Variants in GRM7 observed in about 807,000 individuals in gnomAD.
GRM7 encodes the protein glutamate metabotropic receptor 7.
GRM7 carries 35 observed loss-of-function variants against 84.5 expected under a neutral mutation model. That is an observed-to-expected ratio of 0.41 (90% CI 0.32 to 0.55). The LOEUF is 0.55. GRM7 is among the 20% of genes least tolerant of loss of function. GRM7 has a pLI of 0.19. For synonymous variants in GRM7, 487 were observed against 455.1 expected (o/e 1.07, Z -0.89); for missense variants, 1,003 against 1,194.6 (o/e 0.84, Z 2.36).
intron 2 of GRM7, among the ~76,000 whole-genome samples, chr3:7,183,729 T>C (rs1449059840): frequency 6.6e-6 from 1 of 152,198 alleles, no homozygotes; most frequent in Non-Finnish European, 1.5e-5. Context: ...AATATTCACT[T>C]ATATTTGTAC....
intron 1 of GRM7, among the ~76,000 whole-genome samples, chr3:7,140,059 G>A (rs983008855): frequency 6.6e-6 from 1 of 151,976 alleles, no homozygotes; most frequent in Admixed American, 6.6e-5. Flanking sequence ...TACATGGAAA[G>A]GTGCACAACA....
chr3:7,325,929 G>T (rs887975318), intron 4 of GRM7, among the ~76,000 whole-genome samples: 3 of 152,046 alleles, frequency 2.0e-5, no homozygotes, highest in Non-Finnish European at 4.4e-5. Flanking sequence ...GCGAGAAACA[G>T]CACCAAAGCC....
intron 1 of GRM7, among the ~76,000 whole-genome samples, chr3:7,055,129 G>A (rs1395016384): frequency 6.6e-6 from 1 of 151,854 alleles, no homozygotes; most frequent in Non-Finnish European, 1.5e-5. Flanking sequence ...GCCTTTGGAT[G>A]ATGTCTTAAT....
chr3:7,684,561 T>C (rs969137470), intron 9 of GRM7, among the ~76,000 whole-genome samples: 8 of 152,182 alleles, frequency 5.3e-5, no homozygotes, highest in African/African-American at 1.7e-4. Context: ...TGCAGCTACA[T>C]GTCTACATAA....
chr3:7,672,937 T>C (rs1433250217), intron 8 of GRM7, among the ~76,000 whole-genome samples: 1 of 152,182 alleles, frequency 6.6e-6, no homozygotes, highest in African/African-American at 2.4e-5. Flanking sequence ...CTAAACGAGA[T>C]GTTCCCCCTA....
At chr3:7,125,129 G>A (rs1442241897) in intron 1 of GRM7, among the ~76,000 whole-genome samples, 1 of 152,074 alleles carries the variant, frequency 6.6e-6, no homozygotes, top group Non-Finnish European at 1.5e-5. Context: ...TAGTAGATAT[G>A]GGGTTTCGCC....
chr3:7,639,199 C>A (rs1400740311), intron 8 of GRM7, among the ~76,000 whole-genome samples: 1 of 152,106 alleles, frequency 6.6e-6, no homozygotes, highest in East Asian at 1.9e-4. Context: ...ACCAATTTTG[C>A]TTCTTTAGAA....
intron 7 of GRM7, among the ~76,000 whole-genome samples, chr3:7,470,035 G>C (rs1698633718): frequency 6.6e-6 from 1 of 152,136 alleles, no homozygotes; most frequent in Non-Finnish European, 1.5e-5. Flanking sequence ...AGCAAAAGCT[G>C]GCTAAATCAA....
At chr3:7,549,462 T>G (rs1693334051) in intron 7 of GRM7, among the ~76,000 whole-genome samples, 1 of 152,214 alleles carries the variant, frequency 6.6e-6, no homozygotes, top group African/African-American at 2.4e-5. Context: ...GATAACTGGT[T>G]GTAAACATTT....
intron 7 of GRM7, among the ~76,000 whole-genome samples, chr3:7,528,704 G>A (rs1601373): frequency 0.38 from 57,768 of 151,710 alleles, 11,995 homozygotes; most frequent in East Asian, 0.46. Flanking sequence ...AGACATTTTG[G>A]TATGTTGTGT....
chr3:7,293,411 A>G (rs1203741078), intron 2 of GRM7, among the ~76,000 whole-genome samples: 1 of 152,076 alleles, frequency 6.6e-6, no homozygotes, highest in Non-Finnish European at 1.5e-5. Flanking sequence ...GCTTGTATGT[A>G]TCTCTCTTGT....
intron 1 of GRM7, among the ~76,000 whole-genome samples, chr3:7,122,435 G>C (rs1353147262): frequency 2.6e-5 from 4 of 152,040 alleles, no homozygotes; most frequent in Non-Finnish European, 5.9e-5. Flanking sequence ...ATTTTTTTAA[G>C]AAACCCTAAT....
chr3:7,652,488 G>T (rs995677442), intron 8 of GRM7, among the ~76,000 whole-genome samples: 7 of 152,126 alleles, frequency 4.6e-5, no homozygotes, highest in African/African-American at 9.7e-5. Context: ...CTTTCTAGTG[G>T]GGCAAGTCAA....
At chr3:6,879,388 C>T (rs1394781975) in intron 1 of GRM7, among the ~76,000 whole-genome samples, 2 of 152,112 alleles carry the variant, frequency 1.3e-5, no homozygotes, top group Non-Finnish European at 2.9e-5. Flanking sequence ...ACTTACTTGA[C>T]GTTGTTTTGT....
intron 1 of GRM7, among the ~76,000 whole-genome samples, chr3:6,884,887 C>T (rs996340041): frequency 2.0e-5 from 3 of 152,074 alleles, no homozygotes; most frequent in Non-Finnish European, 2.9e-5. Flanking sequence ...CGTGAGCCAC[C>T]GCGCCCGGCC....
intron 1 of GRM7, among the ~76,000 whole-genome samples, chr3:6,913,924 T>C (rs1382935506): frequency 6.6e-6 from 1 of 152,182 alleles, no homozygotes; most frequent in Non-Finnish European, 1.5e-5. Context: ...AAATATCATT[T>C]TTTCTCTTGG....
At chr3:7,254,920 A>C (rs1050879032) in intron 2 of GRM7, among the ~76,000 whole-genome samples, 2 of 152,228 alleles carry the variant, frequency 1.3e-5, no homozygotes, top group African/African-American at 4.8e-5. Context: ...TTCTATAATC[A>C]CTAAGAACGG....
At chr3:7,090,283 C>T (rs886755701) in intron 1 of GRM7, among the ~76,000 whole-genome samples, 5 of 152,036 alleles carry the variant, frequency 3.3e-5, no homozygotes, top group African/African-American at 1.2e-4. Flanking sequence ...CAATGGGAAG[C>T]CACCAAGAAA....
At chr3:7,351,517 C>T (rs1317763832) in intron 4 of GRM7, among the ~76,000 whole-genome samples, 1 of 151,922 alleles carries the variant, frequency 6.6e-6, no homozygotes, top group Non-Finnish European at 1.5e-5. Context: ...TGCAGCATTG[C>T]TTCTGGGTAT....
Sources: gnomAD v4.1 joint callset for allele counts (sites outside exome capture counted in the v4.1 genomes callset) on GRCh38, gnomAD v4.1.1 for gene constraint, MANE v1.5 for transcripts, NCBI Gene and HGNC (gene_info 2026-07-23, HGNC 2026-07-21) for gene names.